The following ZNF423 variants were observed in gnomAD, a reference collection of about 807,000 sequenced individuals.
ZNF423 encodes Ebf-associated zinc finger protein.
In ZNF423, 12 loss-of-function variants were observed where a neutral mutation model predicts 95.8. The observed-to-expected ratio is 0.13, with a 90% confidence interval of 0.08 to 0.20. ZNF423 has a LOEUF of 0.20. ZNF423 is among the 10% of genes least tolerant of loss of function. The probability of loss-of-function intolerance (pLI) is 1.00; values close to 1 mark genes in which losing one functional copy is unlikely to be tolerated. For missense variants in ZNF423, 1,316 were observed against 1,737.1 expected, an observed-to-expected ratio of 0.76 and a Z score of 4.31; for synonymous variants, 749 against 711.9, an observed-to-expected ratio of 1.05 and a Z score of -0.83.
intron 1 of ZNF423, among the ~76,000 whole-genome samples, chr16:49,797,377 T>A (rs1597018003): frequency 6.6e-6 from 1 of 152,320 alleles, no homozygotes; most frequent in Non-Finnish European, 1.5e-5. Context: ...GGGCTGTGAA[T>A]GCCCAGAGAA....
At chr16:49,556,001 C>T (rs1449410506) in intron 5 of ZNF423, among the ~76,000 whole-genome samples, 3 of 152,124 alleles carry the variant, frequency 2.0e-5, no homozygotes, top group African/African-American at 7.2e-5. Context: ...AAGGCTGCTC[C>T]CATCAAAACT....
intron 3 of ZNF423, among the ~76,000 whole-genome samples, chr16:49,665,008 C>A (rs1204861679): frequency 6.6e-6 from 1 of 152,192 alleles, no homozygotes; most frequent in Non-Finnish European, 1.5e-5. Context: ...CCCTTGGCTT[C>A]CCTCCGCTCA....
chr16:49,650,541 A>C (rs1296127201), intron 3 of ZNF423, among the ~76,000 whole-genome samples: 1 of 152,172 alleles, frequency 6.6e-6, no homozygotes, highest in Non-Finnish European at 1.5e-5. Context: ...TATCCATTTG[A>C]CATCTGGAGC....
chr16:49,823,081 G>C (rs1335823933), intron 1 of ZNF423, among the ~76,000 whole-genome samples: 1 of 152,166 alleles, frequency 6.6e-6, no homozygotes, highest in Non-Finnish European at 1.5e-5. Flanking sequence ...CCCGAGTCGG[G>C]GACAAGGCCT....
At chr16:49,689,140 T>C (rs1169896339) in intron 3 of ZNF423, among the ~76,000 whole-genome samples, 1 of 152,070 alleles carries the variant, frequency 6.6e-6, no homozygotes, top group Non-Finnish European at 1.5e-5. Flanking sequence ...TAAGATTGTG[T>C]TGTATAATAA....
At chr16:49,663,441 G>T (rs55951867) in intron 3 of ZNF423, among the ~76,000 whole-genome samples, 2,862 of 152,196 alleles carry the variant, frequency 0.019, 93 homozygotes, top group African/African-American at 0.065. Context: ...TCATAGTCTG[G>T]CATTCAGTAC....
chr16:49,831,186 C>T (rs1259824826), intron 1 of ZNF423, among the ~76,000 whole-genome samples: 1 of 151,988 alleles, frequency 6.6e-6, no homozygotes, highest in African/African-American at 2.4e-5. Context: ...GAGAACAAAG[C>T]GTTATGCTTA....
At chr16:49,600,686 C>T (rs890793174) in intron 5 of ZNF423, among the ~76,000 whole-genome samples, 34 of 152,170 alleles carry the variant, frequency 2.2e-4, no homozygotes, top group African/African-American at 7.5e-4. Flanking sequence ...GTTTATTACC[C>T]GCCAGCGGCA....
rs546932567 is a variant in ZNF423 at position 49,496,251 on chromosome 16, C to T, written c.3850-4947G>A. On this transcript the variant is annotated intron_variant, in intron 7 of 7. Coordinates refer to ENST00000563137, the MANE Select transcript of ZNF423 (RefSeq NM_001379286.1). Reference sequence around the variant, plus strand: ...CGGGTTTTGGGGGTGGTTAATAACACAGCCCTCTTCCTAAGATGCTGATAG... The same window carrying T: ...CGGGTTTTGGGGGTGGTTAATAACATAGCCCTCTTCCTAAGATGCTGATAG... 2.8e-4 allele frequency among the ~76,000 whole-genome samples: 43 copies of T among 152,356 alleles called. No homozygotes were observed. The South Asian group carries it at 8.7e-3, about 31-fold the overall frequency.
chr16:49,548,213 T>G (rs1322420521), intron 5 of ZNF423, among the ~76,000 whole-genome samples: 6 of 152,164 alleles, frequency 3.9e-5, no homozygotes, highest in African/African-American at 1.4e-4. Flanking sequence ...AGAATTTTTT[T>G]TAGCACCAAA....
intron 5 of ZNF423, among the ~76,000 whole-genome samples, chr16:49,531,363 G>A (rs1968839631): frequency 6.6e-6 from 1 of 151,900 alleles, no homozygotes; most frequent in Admixed American, 6.6e-5. Context: ...GGTCCTTGGA[G>A]AGAGGAAGCA....
chr16:49,523,714 C>T lies in ZNF423; in HGVS notation c.3759G>A (p.Gln1253=). The change falls in exon 7 of 8, where the codon CAG becomes CAA. Residue 1253 remains glutamine (Q), a synonymous_variant. Coordinates refer to ENST00000563137, the MANE Select transcript of ZNF423 (RefSeq NM_001379286.1). The part of the protein sequence containing the change: ...FTVFVQANKL[Q]QHIFAVHGQE... ...GCCCGTGCACGGCAAAGATGTGCTGCTGCAACTTGTTGGCCTGGACGAAGA... is the reference window on the plus strand; with the variant it reads ...GCCCGTGCACGGCAAAGATGTGCTGTTGCAACTTGTTGGCCTGGACGAAGA... The T allele has an allele frequency of 6.2e-7, 1 of 1,613,984 alleles. No individual in the cohort carries two copies. The highest frequency in any genetic ancestry group is 8.5e-7 in the Non-Finnish European group (1 of 1,180,036).
In ZNF423 at chr16:49,626,163, C is replaced by A; in HGVS notation, c.3601+7G>T. The A allele has an allele frequency of 6.2e-7, 1 of 1,613,826 alleles. No homozygotes were observed. Among genetic ancestry groups the A allele is most frequent in the South Asian group, 1.1e-5 (1 of 91,062 alleles). On this transcript the variant is annotated splice_region_variant and intron_variant, in intron 5 of 7. Transcript: ENST00000563137. ...TCCAGCATGGCTGGGAGGAAATGCT[C>A]TCTTACCAATCATGTGGTTGGCAAC...
At chr16:49,655,312 T>A (rs931008404) in intron 3 of ZNF423, among the ~76,000 whole-genome samples, 2 of 152,130 alleles carry the variant, frequency 1.3e-5, no homozygotes, top group South Asian at 4.2e-4. Flanking sequence ...CACTAGCTCA[T>A]GAGTAAGTGG....
At chr16:49,803,084 G>A (rs987960250) in intron 1 of ZNF423, among the ~76,000 whole-genome samples, 2 of 151,692 alleles carry the variant, frequency 1.3e-5, no homozygotes, top group Non-Finnish European at 2.9e-5. Context: ...TCGAGATTCC[G>A]TCTCTACAGA....
chr16:49,671,717 T>C (rs2030820494), intron 3 of ZNF423, among the ~76,000 whole-genome samples: 1 of 152,176 alleles, frequency 6.6e-6, no homozygotes, highest in African/African-American at 2.4e-5. Flanking sequence ...GGAGTCTCAC[T>C]CTGTCGCCCA....
Position 49,618,241 on chromosome 16 carries a change from C to T in ZNF423, c.3601+7929G>A, listed in dbSNP as rs578098498. Among the ~76,000 whole-genome samples the T allele has an allele frequency of 3.3e-5, 5 of 152,330 alleles. No individual in the cohort carries two copies. The Middle Eastern group carries it at 0.014, about 415-fold the overall frequency. On this transcript the variant is annotated intron_variant, in intron 5 of 7. Coordinates refer to ENST00000563137, the MANE Select transcript of ZNF423 (RefSeq NM_001379286.1). ...AAAAGGAAGTAATGACAGCACGTCT[C>T]ACAGGGTGTTGTGAGGGTGAAGTGT...
At chr16:49,671,606 G>A (rs754969143) in intron 3 of ZNF423, among the ~76,000 whole-genome samples, 1 of 152,244 alleles carries the variant, frequency 6.6e-6, no homozygotes, top group Non-Finnish European at 1.5e-5. Flanking sequence ...CTGTGTGATG[G>A]GTCAGGTGAT....
intron 3 of ZNF423, among the ~76,000 whole-genome samples, chr16:49,647,148 C>A (rs376231954): frequency 1.3e-5 from 2 of 152,166 alleles, no homozygotes; most frequent in African/African-American, 2.4e-5. Context: ...TGAGGTCCAC[C>A]ATGCACAAGC....
Sources: gnomAD v4.1 joint callset for allele counts (sites outside exome capture counted in the v4.1 genomes callset) on GRCh38, gnomAD v4.1.1 for gene constraint, MANE v1.5 for transcripts, NCBI Gene and HGNC (gene_info 2026-07-23, HGNC 2026-07-21) for gene names.